GAPVD1: variants seen among roughly 807,000 people sequenced by gnomAD.
The protein encoded by GAPVD1 is GTPase-activating protein and VPS9 domain-containing protein 1.
Under a neutral mutation model 155.5 loss-of-function variants are expected in GAPVD1, and 35 were observed. That is an observed-to-expected ratio of 0.23 (90% CI 0.17 to 0.30). The LOEUF is 0.30. Among genes scored for constraint, GAPVD1 ranks in the 10% least tolerant of loss-of-function variants. The pLI is 1.00. For missense variants in GAPVD1, 1,429 were observed against 1,775.7 expected (o/e 0.80, Z 3.51); for synonymous variants, 636 against 619.7 (o/e 1.03, Z -0.39).
intron 8 of GAPVD1, chr9:125,309,004 G>A (rs1007768528): frequency 6.6e-6 from 1 of 152,166 alleles, no homozygotes; most frequent in African/African-American, 2.4e-5. Flanking sequence ...TGAGGAAAAA[G>A]TGTTTAAGCC....
Position 125,360,599 on chromosome 9 carries a change from C to T in GAPVD1, c.4116C>T (p.Pro1372=), listed in dbSNP as rs1302943824. The change falls in exon 27 of 28, where the codon CCC becomes CCT. Residue 1372 remains proline (P), a synonymous_variant. Coordinates refer to ENST00000297933, the MANE Select transcript of GAPVD1 (RefSeq NM_001282680.3). ...GGACAATAAGTGCTTATAAAACCCC[C>T]CGGGACAAAGTGCAGTGCATCCTGA... ...EIRTISAYKT[P]RDKVQCILRM... is the part of the protein sequence containing the mutation. 2 of 1,614,026 alleles carry T rather than the reference C, an allele frequency of 1.2e-6. No homozygotes were observed. Among genetic ancestry groups the T allele is most frequent in the Non-Finnish European group, 1.7e-6 (2 of 1,179,912 alleles).
chr9:125,275,386 A>AT (rs922809786), intron 2 of GAPVD1, among the ~76,000 whole-genome samples: 3 of 152,134 alleles, frequency 2.0e-5, no homozygotes, highest in African/African-American at 7.2e-5. Flanking sequence ...TAAATTGTTT[A>AT]TTTTTTTGAT....
intron 12 of GAPVD1, among the ~76,000 whole-genome samples, chr9:125,328,188 CTTTTT>C (rs1243246612): frequency 9.0e-6 from 1 of 110,996 alleles, no homozygotes; most frequent in African/African-American, 3.4e-5. Flanking sequence ...AAATAGATTT[CTTTTT>C]TTTTTTTTTT....
intron 13 of GAPVD1, among the ~76,000 whole-genome samples, chr9:125,331,075 A>G (rs2131792719): frequency 6.6e-6 from 1 of 152,272 alleles, no homozygotes; most frequent in South Asian, 2.1e-4. Flanking sequence ...CTGATTATGA[A>G]GACGCATCTT....
At chr9:125,270,903 C>G (rs531989796) in intron 2 of GAPVD1, among the ~76,000 whole-genome samples, 1 of 152,020 alleles carries the variant, frequency 6.6e-6, no homozygotes, top group East Asian at 1.9e-4. Flanking sequence ...GAGCCGAGAT[C>G]GTGCCATTGC....
intron 19 of GAPVD1, among the ~76,000 whole-genome samples, chr9:125,344,822 A>G (rs78997622): frequency 2.6e-5 from 4 of 151,618 alleles, no homozygotes; most frequent in African/African-American, 4.8e-5. Flanking sequence ...AAAAAAAAAA[A>G]GGCAGTAGCC....
intron 9 of GAPVD1, among the ~76,000 whole-genome samples, chr9:125,319,557 C>G (rs553215105): frequency 6.7e-6 from 1 of 148,332 alleles, no homozygotes; most frequent in African/African-American, 2.5e-5. Flanking sequence ...TGCCACGACG[C>G]CTGGCCTATG....
At chr9:125,359,316 T>C in intron 25 of GAPVD1, 104 bp from the exon 26 acceptor site, 5 of 748,112 alleles carry the variant, frequency 6.7e-6, no homozygotes, top group Non-Finnish European at 1.2e-5. Flanking sequence ...GTAATCCATA[T>C]CTAGTCAACA....
At chr9:125,269,362 A>G (rs1179612025) in intron 2 of GAPVD1, among the ~76,000 whole-genome samples, 2 of 152,032 alleles carry the variant, frequency 1.3e-5, no homozygotes, top group Admixed American at 6.6e-5. Context: ...TCTGGAGTTA[A>G]TTTTCTGTTA....
chr9:125,342,103 T>C (rs1296110179), intron 18 of GAPVD1, 116 bp from the exon 19 acceptor site: 1 of 621,506 alleles, frequency 1.6e-6, no homozygotes, highest in East Asian at 2.7e-5. Flanking sequence ...ACACTTGGAA[T>C]TTCTTAGCTT....
intron 12 of GAPVD1, among the ~76,000 whole-genome samples, chr9:125,329,043 G>A (rs1845682724): frequency 6.6e-6 from 1 of 152,078 alleles, no homozygotes; most frequent in Non-Finnish European, 1.5e-5. Context: ...GAATCAGGCA[G>A]GGAGGTTGCA....
chr9:125,336,145 C>CAAA (rs770093537), intron 15 of GAPVD1, among the ~76,000 whole-genome samples: 1,459 of 69,154 alleles, frequency 0.021, 66 homozygotes, highest in Admixed American at 0.14. Context: ...ACTTTGTCTC[C>CAAA]AAAAAAAAAA....
Position 125,312,486 on chromosome 9 carries a change from G to T in GAPVD1, c.1476G>T (p.Met492Ile). 2 of 1,597,844 alleles carry T rather than the reference G, an allele frequency of 1.3e-6. No homozygotes were observed. The highest frequency in any genetic ancestry group is 3.3e-4 in the Middle Eastern group (2 of 6,036). Reference protein sequence around the residue: ...TRSRSRTNMLMDLHMDHEGSS... With the variant: ...TRSRSRTNMLIDLHMDHEGSS... ...GCAGAAGCCGCACCAATATGCTAAT[G>T]GACCTACATATGGACCATGAAGGAT... The change falls in exon 9 of 28, where the codon ATG (methionine) becomes ATT (isoleucine). Residue 492 changes from methionine to isoleucine, a missense_variant. Met to Ile is a conservative substitution (Grantham distance 10). This residue lies in a region of GAPVD1 where 628 missense variants were observed against 733.4 expected (regional missense o/e 0.86). Coordinates refer to ENST00000297933, the MANE Select transcript of GAPVD1 (RefSeq NM_001282680.3).
intron 2 of GAPVD1, among the ~76,000 whole-genome samples, chr9:125,278,278 T>C (rs1836140781): frequency 6.6e-6 from 1 of 152,198 alleles, no homozygotes. Flanking sequence ...CCCAGCACTT[T>C]GGGAGGCCTA....
intron 2 of GAPVD1, among the ~76,000 whole-genome samples, chr9:125,283,982 C>T (rs528562888): frequency 6.6e-6 from 1 of 151,738 alleles, no homozygotes; most frequent in Non-Finnish European, 1.5e-5. Context: ...AAGTGATTCT[C>T]CTGCGTCAGG....
At chr9:125,330,832 A>G (rs1335979256) in intron 13 of GAPVD1, among the ~76,000 whole-genome samples, 1 of 152,220 alleles carries the variant, frequency 6.6e-6, no homozygotes, top group Non-Finnish European at 1.5e-5. Flanking sequence ...TATCTTCCAC[A>G]AACTCATGAC....
At chr9:125,357,586 TGAGA>T (rs893171874) in intron 25 of GAPVD1, among the ~76,000 whole-genome samples, 1 of 149,198 alleles carries the variant, frequency 6.7e-6, no homozygotes, top group Non-Finnish European at 1.5e-5. Context: ...CTAAAAAAAA[TGAGA>T]GAGAGAGAAT....
chr9:125,285,252 A>G (rs1307072026), intron 2 of GAPVD1, among the ~76,000 whole-genome samples: 1 of 152,168 alleles, frequency 6.6e-6, no homozygotes, highest in African/African-American at 2.4e-5. Flanking sequence ...GCAGCAGGCT[A>G]AATATGACCT....
In GAPVD1 at chr9:125,364,226, T is replaced by G. The variant is rs562822350; in HGVS notation, c.*1480T>G. 1 of 151,336 alleles carries G rather than the reference T, an allele frequency of 6.6e-6. No individual in the cohort carries two copies. The highest frequency in any genetic ancestry group is 1.9e-4 in the East Asian group (1 of 5,186). The allele number at this position is 151,336 out of a possible 1,614,324, so 9.4% of individuals were successfully genotyped here. On this transcript the variant is annotated 3_prime_UTR_variant, in exon 28 of 28. Coordinates refer to ENST00000297933, the MANE Select transcript of GAPVD1 (RefSeq NM_001282680.3). The stretch of plus-strand genomic sequence containing the variant: ...TGGGAATGCCTAAAGATTTTATTTT[T>G]TTTTCTTTGTTTTTATTTTATTTTA...
Sources: allele counts gnomAD v4.1 joint callset (sites outside exome capture counted in the v4.1 genomes callset), GRCh38; gene constraint gnomAD v4.1.1; regional missense constraint gnomAD v4.1.1; transcripts MANE v1.5; gene names NCBI Gene and HGNC (gene_info 2026-07-23, HGNC 2026-07-21).